The following DMXL2 variants were observed in gnomAD, a reference collection of about 807,000 sequenced individuals.
The protein encoded by DMXL2 is dmX-like protein 2.
Under a neutral mutation model 331.1 loss-of-function variants are expected in DMXL2, and 103 were observed. The observed-to-expected ratio is 0.31, with a 90% confidence interval of 0.27 to 0.37. The LOEUF is 0.37. DMXL2 is among the 10% of genes least tolerant of loss of function. DMXL2 has a pLI of 1.00. For missense variants in DMXL2, 3,171 were observed against 3,642.9 expected (o/e 0.87, Z 3.33); for synonymous variants, 1,281 against 1,252.1 (o/e 1.02, Z -0.49).
chr15:51,597,738 C>T (rs1567169421), intron 1 of DMXL2, among the ~76,000 whole-genome samples: 1 of 152,100 alleles, frequency 6.6e-6, no homozygotes, highest in Non-Finnish European at 1.5e-5. Context: ...ATAGTTGTAC[C>T]AATTTATACT....
rs182976059 is a variant in DMXL2, at chr15:51,502,403, G to A, written c.2992+403C>T. On this transcript the variant is annotated intron_variant, in intron 17 of 43. Coordinates refer to ENST00000560891, the MANE Select transcript of DMXL2 (RefSeq NM_001378457.1). Reference sequence around the variant, plus strand: ...AGTAGTGTGATGTCAGCTCACTGCCGCCTCCACCTCTCGAGTTCAAGCAAT... The same window carrying A: ...AGTAGTGTGATGTCAGCTCACTGCCACCTCCACCTCTCGAGTTCAAGCAAT... Among the ~76,000 whole-genome samples the A allele has an allele frequency of 3.6e-3, 547 of 150,646 alleles. 3 individuals carry two copies. The highest frequency in any genetic ancestry group is 6.4e-3 in the Non-Finnish European group (434 of 67,778).
intron 19 of DMXL2, among the ~76,000 whole-genome samples, chr15:51,493,113 GA>G (rs1177091369): frequency 2.0e-5 from 3 of 152,126 alleles, no homozygotes; most frequent in Non-Finnish European, 4.4e-5. Context: ...GAAAACACCA[GA>G]AAAAATTAAT....
Position 51,498,593 on chromosome 15 carries a change from G to C in DMXL2, c.4631C>G (p.Thr1544Ser). The change falls in exon 18 of 44, where the codon ACT (threonine) becomes AGT (serine). Residue 1544 changes from threonine (T) to serine (S), a missense_variant. This residue lies in a region of DMXL2 where 252 missense variants were observed against 387.4 expected (regional missense o/e 0.65). Coordinates refer to ENST00000560891, the MANE Select transcript of DMXL2 (RefSeq NM_001378457.1). The stretch of plus-strand genomic sequence containing the variant: ...TCTGCTTTCATCAAGCTCAGTACTA[G>C]TAGTAGCCACTGTATCAGCCAAAGC... ...LVALADTVAT[T>S]STELDESRDK... 2 of 1,614,026 alleles carry C rather than the reference G, an allele frequency of 1.2e-6. No homozygotes were observed. The highest frequency in any genetic ancestry group is 1.7e-6 in the Non-Finnish European group (2 of 1,179,934).
rs2039022597 is a variant in DMXL2, at chr15:51,450,317, C to T, written c.8779G>A (p.Val2927Ile). 1 of 1,613,932 alleles carries T rather than the reference C, an allele frequency of 6.2e-7. No homozygotes were observed. The highest frequency in any genetic ancestry group is 2.2e-5 in the East Asian group (1 of 44,870). ...GFTCHDHGATVLQYAPKQQLL... is the reference protein window; with the variant it reads ...GFTCHDHGATILQYAPKQQLL... The stretch of plus-strand genomic sequence containing the variant: ...TGCTGTTTGGGTGCATACTGCAGTA[C>T]CGTGGCACCATGATCGTGGCACGTG... The change falls in exon 43 of 44, where the codon GTA becomes ATA. Residue 2927 changes from valine to isoleucine, a missense_variant. This residue lies in a region of DMXL2 where 766 missense variants were observed against 940.5 expected (regional missense o/e 0.81). Coordinates refer to ENST00000560891, the MANE Select transcript of DMXL2 (RefSeq NM_001378457.1).
intron 2 of DMXL2, among the ~76,000 whole-genome samples, chr15:51,572,848 T>G (rs1406966993): frequency 6.6e-6 from 1 of 152,270 alleles, no homozygotes; most frequent in South Asian, 2.1e-4. Context: ...GGGCAAAAAC[T>G]GGAAGCATTC....
At chr15:51,459,906 A>C in intron 33 of DMXL2, 1 of 1,125,582 alleles carries the variant, frequency 8.9e-7, no homozygotes, top group Non-Finnish European at 1.1e-6. Flanking sequence ...TCAAAATAAA[A>C]ATTAGTTATC....
intron 1 of DMXL2, among the ~76,000 whole-genome samples, chr15:51,593,375 T>C (rs1282852028): frequency 6.6e-6 from 1 of 152,164 alleles, no homozygotes; most frequent in African/African-American, 2.4e-5. Flanking sequence ...CTATCCTAAA[T>C]ATATATGCAC....
In DMXL2 at chr15:51,545,575, T is replaced by C. The variant is rs769505047; in HGVS notation, c.930+8A>G. The C allele has an allele frequency of 3.1e-6, 5 of 1,607,190 alleles. No homozygotes were observed. Among genetic ancestry groups the C allele is most frequent in the Admixed American group, 3.4e-5 (2 of 58,536 alleles). ...AAAATTCATTTACCATTTTAAATAA[T>C]ATAATACCTCAAGAGCATGCTGTAT... On this transcript the variant is annotated splice_region_variant and intron_variant, in intron 8 of 43. Transcript: ENST00000560891.
intron 42 of DMXL2, among the ~76,000 whole-genome samples, chr15:51,450,989 C>T (rs17524694): frequency 0.24 from 36,338 of 152,154 alleles, 4,648 homozygotes; most frequent in African/African-American, 0.29. Flanking sequence ...ACCAAACTTA[C>T]TTGAGCATGG....
chr15:51,571,752 C>T (rs948257726), intron 2 of DMXL2, among the ~76,000 whole-genome samples: 1 of 152,126 alleles, frequency 6.6e-6, no homozygotes, highest in Non-Finnish European at 1.5e-5. Flanking sequence ...AACAAAGACA[C>T]AACATACCAG....
intron 22 of DMXL2, among the ~76,000 whole-genome samples, chr15:51,487,350 T>A (rs1271220772): frequency 6.6e-6 from 1 of 152,226 alleles, no homozygotes; most frequent in African/African-American, 2.4e-5. Flanking sequence ...CTTTAAACAG[T>A]TCAGAATCAC....
chr15:51,580,797 T>C (rs1217502036), intron 1 of DMXL2, among the ~76,000 whole-genome samples: 1 of 151,192 alleles, frequency 6.6e-6, no homozygotes, highest in East Asian at 1.9e-4. Context: ...AGCTGTTACA[T>C]CCAAAAAAAA....
chr15:51,520,772 G>A (rs952818291), intron 13 of DMXL2, among the ~76,000 whole-genome samples: 2 of 152,108 alleles, frequency 1.3e-5, no homozygotes, highest in Non-Finnish European at 2.9e-5. Flanking sequence ...CAGGAGTATC[G>A]TTTGAACCTG....
intron 16 of DMXL2, among the ~76,000 whole-genome samples, chr15:51,505,233 C>T (rs2043975563): frequency 6.6e-6 from 1 of 152,146 alleles, no homozygotes; most frequent in Admixed American, 6.5e-5. Flanking sequence ...AAGATTAGAA[C>T]AAAAAGATAG....
At chr15:51,519,742 A>C (rs1234730235) in intron 13 of DMXL2, among the ~76,000 whole-genome samples, 1 of 146,738 alleles carries the variant, frequency 6.8e-6, no homozygotes, top group Non-Finnish European at 1.5e-5. Context: ...TCCCGAGTTC[A>C]AGTGATTCTC....
chr15:51,507,240 T>C lies in DMXL2; in HGVS notation c.2658A>G (p.Pro886=). ...CTAGAAAGAACTTTTCTGAAAATGG[T>C]GGTGGGCGGTATCCTATTATTCAAA... ...FFQPSQGYRP[P]PFSEKFFLVV... is the part of the protein sequence containing the mutation. Residue 886 remains proline (P), a synonymous_variant, in exon 16 of 44, where the codon CCA becomes CCG. Coordinates refer to ENST00000560891, the MANE Select transcript of DMXL2 (RefSeq NM_001378457.1). The C allele has an allele frequency of 1.9e-6, 3 of 1,610,572 alleles. No homozygotes were observed. The highest frequency in any genetic ancestry group is 4.5e-5 in the East Asian group (2 of 44,716).
chr15:51,481,145 A>T lies in DMXL2; in HGVS notation c.5961T>A (p.Asp1987Glu), dbSNP rs779439257. The T allele has an allele frequency of 1.2e-6, 2 of 1,612,486 alleles. No homozygotes were observed. The highest frequency in any genetic ancestry group is 2.2e-5 in the South Asian group (2 of 90,952). Residue 1987 changes from aspartate to glutamate, a missense_variant, in exon 24 of 44, where the codon GAT becomes GAA. Asp to Glu is a conservative substitution (Grantham distance 45). This residue lies in a region of DMXL2 where 244 missense variants were observed against 251.4 expected (regional missense o/e 0.97). Coordinates refer to ENST00000560891, the MANE Select transcript of DMXL2 (RefSeq NM_001378457.1). ...AACCAACAGCATCGTCTTCCTCTTC[A>T]TCTAAGGCACTGTCGTGATCTTCAC... ...DWGEDHDSALDEEEDDAVGLV... is the reference protein window; with the variant it reads ...DWGEDHDSALEEEEDDAVGLV...
At chr15:51,515,703 A>G (rs570228175) in intron 14 of DMXL2, among the ~76,000 whole-genome samples, 60 of 152,190 alleles carry the variant, frequency 3.9e-4, no homozygotes, top group Non-Finnish European at 7.9e-4. Flanking sequence ...AATAGGCACA[A>G]GGAGCAGGGG....
chr15:51,474,414 C>G lies in DMXL2; in HGVS notation c.7143G>C (p.Met2381Ile), dbSNP rs1269304375. Reference sequence around the variant, plus strand: ...CACCGCCTCCAAAAACAGCAGCCCACATTCGATTATTTAATGGGTGGGCTG... The same window carrying G: ...CACCGCCTCCAAAAACAGCAGCCCAGATTCGATTATTTAATGGGTGGGCTG... ...RLAAHPLNNR[M>I]WAAVFGGGVK... The change falls in exon 28 of 44, where the codon ATG becomes ATC. Residue 2381 changes from methionine (M) to isoleucine (I), a missense_variant. Met to Ile is a conservative substitution (Grantham distance 10). Coordinates refer to ENST00000560891, the MANE Select transcript of DMXL2 (RefSeq NM_001378457.1). The G allele has an allele frequency of 6.2e-7, 1 of 1,613,914 alleles. No homozygotes were observed. The highest frequency in any genetic ancestry group is 8.5e-7 in the Non-Finnish European group (1 of 1,179,998).
Sources: allele counts gnomAD v4.1 joint callset (sites outside exome capture counted in the v4.1 genomes callset), GRCh38; gene constraint gnomAD v4.1.1; regional missense constraint gnomAD v4.1.1; transcripts MANE v1.5; gene names NCBI Gene and HGNC (gene_info 2026-07-23, HGNC 2026-07-21).